The following C3orf33 variants were observed in gnomAD, a reference collection of about 807,000 sequenced individuals.
C3orf33 encodes the protein AP-1 activity suppressor.
In C3orf33, 23 loss-of-function variants were observed where a neutral mutation model predicts 28.7. That is an observed-to-expected ratio of 0.80 (90% CI 0.58 to 1.13). The LOEUF (loss-of-function observed/expected upper bound fraction) is 1.13, where lower values mean the gene tolerates loss of function less well. Ranked by LOEUF, C3orf33 falls within the 50% of genes most tolerant of loss-of-function variation. C3orf33 has a pLI of 0.00. For synonymous variants in C3orf33, 119 were observed against 120.5 expected (o/e 0.99, Z 0.08); for missense variants, 327 against 353.4 (o/e 0.93, Z 0.60).
chr3:155,805,158 T>TAAAAAAAAAAAAAAA (rs57906262), intron 1 of C3orf33, among the ~76,000 whole-genome samples: 1 of 141,738 alleles, frequency 7.1e-6, no homozygotes. Context: ...GTGCTTCACT[T>TAAAAAAAAAAAAAAA]AAAAAAAAAA....
In C3orf33 at chr3:155,806,270, A is replaced by C. The variant is rs1289820489; in HGVS notation, c.-18T>G. 4 of 1,395,848 alleles carry C rather than the reference A, an allele frequency of 2.9e-6. No homozygotes were observed. In the South Asian group the frequency reaches 4.5e-5, roughly 16 times the overall value. 86.5% of individuals were successfully genotyped at this position (1,395,848 alleles called of 1,614,324 possible). ...CCCGCCATGTTCCCGGCCTCCTGCG[A>C]GCGGCCCTGAGCTCCTCCGGCTGGC... On this transcript the variant is annotated 5_prime_UTR_variant, in exon 1 of 5. Transcript: ENST00000340171.
chr3:155,772,563 C>A (rs1750622180), intron 3 of C3orf33, among the ~76,000 whole-genome samples: 1 of 150,668 alleles, frequency 6.6e-6, no homozygotes. Flanking sequence ...ATCATCTACA[C>A]CTGTGTCAAA....
intron 3 of C3orf33, among the ~76,000 whole-genome samples, chr3:155,774,229 G>GT (rs1553770445): frequency 6.6e-6 from 1 of 152,190 alleles, no homozygotes; most frequent in Non-Finnish European, 1.5e-5. Context: ...GGGGCTCACA[G>GT]TTCAGTAAGG....
At chr3:155,779,406 T>C (rs1039032280) in intron 2 of C3orf33, among the ~76,000 whole-genome samples, 2 of 152,182 alleles carry the variant, frequency 1.3e-5, no homozygotes, top group Non-Finnish European at 2.9e-5. Context: ...GCAATTCTCC[T>C]GCTGCAGCCT....
intron 4 of C3orf33, among the ~76,000 whole-genome samples, chr3:155,764,180 T>C (rs1466999678): frequency 6.6e-6 from 1 of 152,020 alleles, no homozygotes; most frequent in African/African-American, 2.4e-5. Flanking sequence ...TCCGAAGAGG[T>C]GAGGAAGCAA....
At chr3:155,771,664 T>G (rs909964787) in intron 3 of C3orf33, among the ~76,000 whole-genome samples, 6 of 152,210 alleles carry the variant, frequency 3.9e-5, no homozygotes, top group African/African-American at 1.4e-4. Context: ...CTCAAAGTGT[T>G]GGAAATACAG....
At chr3:155,769,485 CAAAAAAAAAA>C (rs59639224) in intron 3 of C3orf33, among the ~76,000 whole-genome samples, 4 of 84,336 alleles carry the variant, frequency 4.7e-5, no homozygotes, top group Non-Finnish European at 8.4e-5. Flanking sequence ...GAGACTGTTT[CAAAAAAAAAA>C]AAAAAAAAGA....
chr3:155,773,407 T>C (rs982629300), intron 3 of C3orf33, among the ~76,000 whole-genome samples: 3 of 152,252 alleles, frequency 2.0e-5, no homozygotes, highest in African/African-American at 7.2e-5. Flanking sequence ...CTTTAACTTC[T>C]ACATGTCTAT....
At chr3:155,791,299 G>C (rs955080037) in intron 2 of C3orf33, among the ~76,000 whole-genome samples, 1 of 152,052 alleles carries the variant, frequency 6.6e-6, no homozygotes, top group Non-Finnish European at 1.5e-5. Context: ...AGAGCCCTTG[G>C]GTCTTGAATA....
intron 3 of C3orf33, among the ~76,000 whole-genome samples, chr3:155,768,611 C>G (rs538068380): frequency 7.2e-5 from 11 of 152,216 alleles, no homozygotes; most frequent in African/African-American, 2.4e-4. Flanking sequence ...AACTTAATGT[C>G]TTTAAAAAAA....
At chr3:155,778,833 T>C (rs1750831652) in intron 2 of C3orf33, among the ~76,000 whole-genome samples, 1 of 152,178 alleles carries the variant, frequency 6.6e-6, no homozygotes. Flanking sequence ...GGGTAATCTA[T>C]GGAACTCTGA....
At chr3:155,787,101 C>G (rs1240619351) in intron 2 of C3orf33, among the ~76,000 whole-genome samples, 1 of 152,108 alleles carries the variant, frequency 6.6e-6, no homozygotes, top group Non-Finnish European at 1.5e-5. Flanking sequence ...ACCCTGATAC[C>G]AAAGCCAGAC....
chr3:155,804,122 G>C (rs530289091), intron 1 of C3orf33: 1 of 377,510 alleles, frequency 2.6e-6, no homozygotes, highest in East Asian at 1.0e-4. Context: ...GTTGCAGTGA[G>C]CCGAGATCAC....
rs368988889 is a variant in C3orf33 at position 155,769,506 on chromosome 3, A to C, written c.323-1837T>G. ...GTTTCAAAAAAAAAAAAAAAAAAGA[A>C]GAAGAAGAAAAAGGTATTTGTAGAA... On this transcript the variant is annotated intron_variant, in intron 3 of 4. Transcript: ENST00000340171. Among the ~76,000 whole-genome samples, 123 of 151,760 alleles carry C rather than the reference A, an allele frequency of 8.1e-4. 2 individuals carry two copies. The East Asian group carries it at 0.02, about 24-fold the overall frequency.
At chr3:155,788,209 A>T (rs1345756336) in intron 2 of C3orf33, among the ~76,000 whole-genome samples, 1 of 151,724 alleles carries the variant, frequency 6.6e-6, no homozygotes, top group East Asian at 1.9e-4. Flanking sequence ...AAAGGATAAA[A>T]TAAAAATAAA....
chr3:155,768,209 A>G (rs886419316), intron 3 of C3orf33, among the ~76,000 whole-genome samples: 3 of 145,194 alleles, frequency 2.1e-5, no homozygotes, highest in Non-Finnish European at 4.6e-5. Flanking sequence ...AAGCTTCAGA[A>G]CAAGTAGTGA....
intron 4 of C3orf33, among the ~76,000 whole-genome samples, chr3:155,767,292 T>C (rs1750439808): frequency 6.6e-6 from 1 of 151,870 alleles, no homozygotes; most frequent in African/African-American, 2.4e-5. Flanking sequence ...TTTTTCTTTT[T>C]TCTTAATTTT....
At chr3:155,804,316 T>A (rs1751753426) in intron 1 of C3orf33, 4 of 284,190 alleles carry the variant, frequency 1.4e-5, no homozygotes, top group Non-Finnish European at 2.8e-5. Flanking sequence ...AGTCATTTTT[T>A]AATTTGAAAT....
At chr3:155,789,772 T>C (rs537074546) in intron 2 of C3orf33, among the ~76,000 whole-genome samples, 4 of 152,216 alleles carry the variant, frequency 2.6e-5, no homozygotes, top group Non-Finnish European at 4.4e-5. Context: ...AAGATAGACA[T>C]ACAGATCAAT....
Sources: allele counts gnomAD v4.1 joint callset (sites outside exome capture counted in the v4.1 genomes callset), GRCh38; gene constraint gnomAD v4.1.1; transcripts MANE v1.5; gene names NCBI Gene and HGNC (gene_info 2026-07-23, HGNC 2026-07-21).